RUSC2: variants seen among roughly 807,000 people sequenced by gnomAD.
RUSC2 encodes AP-4 complex accessory subunit RUSC2.
A neutral mutation model predicts 122.2 loss-of-function variants in RUSC2; 34 were observed. That is an observed-to-expected ratio of 0.28 (90% confidence interval 0.21 to 0.37). RUSC2 has a LOEUF of 0.37. RUSC2 is among the 10% of genes least tolerant of loss of function. RUSC2 has a pLI of 1.00. For missense variants in RUSC2, 1,747 were observed against 1,952.4 expected (o/e 0.89, Z 1.98); for synonymous variants, 784 against 790.0 (o/e 0.99, Z 0.13).
intron 1 of RUSC2, among the ~76,000 whole-genome samples, chr9:35,530,267 T>C (rs1238579002): frequency 6.6e-6 from 1 of 152,050 alleles, no homozygotes; most frequent in Non-Finnish European, 1.5e-5. Context: ...TCAGTAGCTT[T>C]ATCAAACATC....
Position 35,548,665 on chromosome 9 carries a change from C to T in RUSC2, c.2014+130C>T. The T allele has an allele frequency of 7.0e-7, 1 of 1,428,152 alleles. No individual in the cohort carries two copies. Among genetic ancestry groups the T allele is most frequent in the Non-Finnish European group, 9.1e-7 (1 of 1,094,224 alleles). 88.5% of individuals were successfully genotyped at this position (1,428,152 alleles called of 1,614,324 possible). A position where few individuals can be genotyped will look rare whatever the true frequency, so the allele number is the denominator to read the frequency against. The stretch of plus-strand genomic sequence containing the variant: ...AGGTTCCACATCCTAGATCTGTTAT[C>T]CTTCTAGGCCAGGGCAGGACCCACA... On this transcript the variant is annotated intron_variant, in intron 2 of 11. Transcript: ENST00000361226. The surrounding 1 kb of genome is among the most constrained non-coding windows in gnomAD (Gnocchi z 4.5).
In RUSC2 at chr9:35,545,084, T is replaced by C. The variant is rs1018986633; in HGVS notation, c.-92-1346T>C. ...ACCTTGTCCCTTATACGTATACTTA[T>C]TAGCCATATTTTTTATGCATTGTTT... On this transcript the variant is annotated intron_variant, in intron 1 of 11. Transcript: ENST00000361226. Among the ~76,000 whole-genome samples the C allele has an allele frequency of 4.6e-5, 7 of 152,242 alleles. No individual in the cohort carries two copies. In the South Asian group the frequency reaches 1.4e-3, roughly 31 times the overall value.
chr9:35,491,451 C>T lies in RUSC2; in HGVS notation c.-93+1279C>T, dbSNP rs145849575. On this transcript the variant is annotated intron_variant, in intron 1 of 11. Transcript: ENST00000361226. ...TATACCTGGTATTCTGTTAGTTATGCCCGTCCTGCTGTATGGCCAGCCACT... is the reference window on the plus strand; with the variant it reads ...TATACCTGGTATTCTGTTAGTTATGTCCGTCCTGCTGTATGGCCAGCCACT... 3.0e-4 allele frequency among the ~76,000 whole-genome samples: 46 copies of T among 152,262 alleles called. No homozygotes were observed. In the East Asian group the frequency reaches 4.6e-3, roughly 15 times the overall value.
chr9:35,535,833 C>A (rs576770918), intron 1 of RUSC2, among the ~76,000 whole-genome samples: 1 of 152,312 alleles, frequency 6.6e-6, no homozygotes, highest in South Asian at 2.1e-4. Flanking sequence ...AGCCACCGTG[C>A]CCGGCCAAGC....
At chr9:35,543,430 G>GA (rs1368096265) in intron 1 of RUSC2, among the ~76,000 whole-genome samples, 2 of 151,948 alleles carry the variant, frequency 1.3e-5, no homozygotes, top group African/African-American at 2.4e-5. Context: ...TCAAAAAAAA[G>GA]AAAAAAATTG....
At chr9:35,535,785 C>T (rs1821514726) in intron 1 of RUSC2, among the ~76,000 whole-genome samples, 1 of 152,002 alleles carries the variant, frequency 6.6e-6, no homozygotes, top group African/African-American at 2.4e-5. Context: ...CGTGATCTGC[C>T]CGCCTCGGCC....
In RUSC2 at chr9:35,560,323, G is replaced by A. The variant is rs766018202; in HGVS notation, c.3683G>A (p.Arg1228Gln). The A allele has an allele frequency of 5.6e-6, 9 of 1,605,300 alleles. No individual in the cohort carries two copies. The highest frequency in any genetic ancestry group is 3.4e-5 in the Admixed American group (2 of 59,538). ...GDVDRAAQGE[R>Q]VKGVGASEGG... is the part of the protein sequence containing the mutation. Reference sequence around the variant, plus strand: ...GTGGACAGGGCAGCCCAAGGGGAGCGGGTGAAGGGTGTGGGTGCCTCAGAA... The same window carrying A: ...GTGGACAGGGCAGCCCAAGGGGAGCAGGTGAAGGGTGTGGGTGCCTCAGAA... Residue 1228 changes from arginine to glutamine, a missense_variant, in exon 10 of 12, where the codon CGG (arginine) becomes CAG (glutamine). Transcript: ENST00000361226.
rs747566226 is a variant in RUSC2 at position 35,558,035 on chromosome 9, C to A, written c.3060+45C>A. 3.8e-6 allele frequency: 6 copies of A among 1,595,028 alleles called. No homozygotes were observed. Among genetic ancestry groups the A allele is most frequent in the Non-Finnish European group, 5.2e-6 (6 of 1,162,826 alleles). On this transcript the variant is annotated intron_variant, in intron 6 of 11. Coordinates refer to ENST00000361226, the MANE Select transcript of RUSC2 (RefSeq NM_014806.5). The surrounding 1 kb of genome is among the most constrained non-coding windows in gnomAD (Gnocchi z 4.3). The stretch of plus-strand genomic sequence containing the variant: ...GAGCTGAGCTCTGCCTGCAAGCCCT[C>A]ACCTGTCCCGCGCTACCACCTTCCC...
chr9:35,511,949 G>T (rs1194303307), intron 1 of RUSC2, among the ~76,000 whole-genome samples: 1 of 152,142 alleles, frequency 6.6e-6, no homozygotes, highest in African/African-American at 2.4e-5. Flanking sequence ...GGGAGGCCGA[G>T]GCAGGCGGAT....
intron 1 of RUSC2, among the ~76,000 whole-genome samples, chr9:35,535,412 G>A (rs552698935): frequency 2.7e-5 from 4 of 147,824 alleles, no homozygotes; most frequent in African/African-American, 4.9e-5. Context: ...CACCGCTCCC[G>A]GCCGCCTAAG....
rs1435454805 is a variant in RUSC2 at position 35,547,143 on chromosome 9, C to A, written c.622C>A (p.Pro208Thr). The change falls in exon 2 of 12, where the codon CCT becomes ACT. Residue 208 changes from proline (P) to threonine (T), a missense_variant. By Grantham distance (38) the Pro-to-Thr change is conservative (BLOSUM62 -1). Coordinates refer to ENST00000361226, the MANE Select transcript of RUSC2 (RefSeq NM_014806.5). The surrounding 1 kb of genome is among the most constrained non-coding windows in gnomAD (Gnocchi z 4.6). Reference sequence around the variant, plus strand: ...TATGGAGCTGGATGAGTGTGGGGGACCTGGTGGGAGTGGCAGTGGGGGTGG... The same window carrying A: ...TATGGAGCTGGATGAGTGTGGGGGAACTGGTGGGAGTGGCAGTGGGGGTGG... Reference protein sequence around the residue: ...ETMELDECGGPGGSGSGGGAS... With the variant: ...ETMELDECGGTGGSGSGGGAS... 4 of 1,613,962 alleles carry A rather than the reference C, an allele frequency of 2.5e-6. No homozygotes were observed. Among genetic ancestry groups the A allele is most frequent in the Non-Finnish European group, 3.4e-6 (4 of 1,180,028 alleles).
At chr9:35,516,886 A>T (rs925158969) in intron 1 of RUSC2, among the ~76,000 whole-genome samples, 39 of 152,310 alleles carry the variant, frequency 2.6e-4, no homozygotes, top group African/African-American at 8.4e-4. Context: ...TTAAAAGGGA[A>T]TTGCTAAGAA....
Position 35,555,584 on chromosome 9 carries a change from C to G in RUSC2, c.2539C>G (p.Arg847Gly), listed in dbSNP as rs751467649. The G allele has an allele frequency of 4.3e-6, 7 of 1,613,858 alleles. No homozygotes were observed. The highest frequency in any genetic ancestry group is 5.9e-6 in the Non-Finnish European group (7 of 1,180,032). Residue 847 changes from arginine (R) to glycine (G), a missense_variant, in exon 3 of 12, where the codon CGG (arginine) becomes GGG (glycine). Coordinates refer to ENST00000361226, the MANE Select transcript of RUSC2 (RefSeq NM_014806.5). This position sits in a 1 kb window ranked among gnomAD's most constrained non-coding sequence, Gnocchi z 4.6. Reference sequence around the variant, plus strand: ...GAAGATACTGACCTTGACTGAGTACCGGCTCCATGGAACAGGAAGCTTGCC... The same window carrying G: ...GAAGATACTGACCTTGACTGAGTACGGGCTCCATGGAACAGGAAGCTTGCC... Reference protein sequence around the residue: ...DQKILTLTEYRLHGTGSLPPL... With the variant: ...DQKILTLTEYGLHGTGSLPPL...
intron 10 of RUSC2, 21 bp downstream of exon 10, chr9:35,560,872 G>C (rs1480899202): frequency 6.4e-7 from 1 of 1,554,108 alleles, no homozygotes; most frequent in Non-Finnish European, 8.7e-7. Context: ...GCCCATGGTA[G>C]GGATGGAGGG....
chr9:35,559,300 C>A, intron 9 of RUSC2, 28 bp downstream of exon 9: 1 of 1,582,470 alleles, frequency 6.3e-7, no homozygotes, highest in Non-Finnish European at 8.7e-7. Flanking sequence ...GCAGGTCAAA[C>A]TCAATGGGTC....
At chr9:35,526,060 A>T (rs1389362897) in intron 1 of RUSC2, among the ~76,000 whole-genome samples, 1 of 152,164 alleles carries the variant, frequency 6.6e-6, no homozygotes, top group Admixed American at 6.6e-5. Context: ...CAGTTTACAG[A>T]GCACTTTCAT....
chr9:35,507,600 A>G (rs899568472), intron 1 of RUSC2: 63 of 221,018 alleles, frequency 2.9e-4, no homozygotes, highest in Admixed American at 5.4e-4. Context: ...GACTTTCTGT[A>G]AGAAGTATCA....
chr9:35,548,584 A>AT lies in RUSC2; in HGVS notation c.2014+50dup, dbSNP rs1821823145. On this transcript the variant is annotated intron_variant, in intron 2 of 11. Coordinates refer to ENST00000361226, the MANE Select transcript of RUSC2 (RefSeq NM_014806.5). This position sits in a 1 kb window ranked among gnomAD's most constrained non-coding sequence, Gnocchi z 4.5. Reference sequence around the variant, plus strand: ...ATATGTGGCTATTCACCAGCAGGATATGCATGGCCACCTCCCTGACAGGTC... The same window carrying AT: ...ATATGTGGCTATTCACCAGCAGGATATTGCATGGCCACCTCCCTGACAGGTC... 1.3e-6 allele frequency: 2 copies of AT among 1,527,254 alleles called. No individual in the cohort carries two copies. Among genetic ancestry groups the AT allele is most frequent in the East Asian group, 4.6e-5 (2 of 43,718 alleles). The allele number at this position is 1,527,254 out of a possible 1,614,324, so 94.6% of individuals were successfully genotyped here.
intron 1 of RUSC2, among the ~76,000 whole-genome samples, chr9:35,490,600 G>C (rs1820547566): frequency 6.6e-6 from 1 of 152,174 alleles, no homozygotes; most frequent in Admixed American, 6.5e-5. Context: ...ACCCAGGCCG[G>C]CGACTGCAGC....
Sources: allele counts gnomAD v4.1 joint callset (sites outside exome capture counted in the v4.1 genomes callset), GRCh38; gene constraint gnomAD v4.1.1; non-coding constraint Gnocchi (gnomAD v3.1); transcripts MANE v1.5; gene names NCBI Gene and HGNC (gene_info 2026-07-23, HGNC 2026-07-21).